Variants in SLC5A7 observed in about 807,000 individuals in gnomAD.
SLC5A7 encodes the protein solute carrier family 5 member 7.
A neutral mutation model predicts 55.4 loss-of-function variants in SLC5A7; 19 were observed. The observed-to-expected ratio is 0.34, with a 90% CI of 0.24 to 0.50. The LOEUF is 0.50. SLC5A7 is among the 20% of genes least tolerant of loss of function. The probability of loss-of-function intolerance (pLI) is 0.98; values close to 1 mark genes in which losing one functional copy is unlikely to be tolerated. For synonymous variants in SLC5A7, 265 were observed against 263.7 expected (o/e 1.00, Z -0.05); for missense variants, 506 against 705.3 (o/e 0.72, Z 3.20).
chr2:108,001,903 A>T lies in SLC5A7; in HGVS notation c.604A>T (p.Ser202Cys). The T allele has an allele frequency of 6.2e-7, 1 of 1,614,076 alleles. No individual in the cohort carries two copies. Among genetic ancestry groups the T allele is most frequent in the East Asian group, 2.2e-5 (1 of 44,874 alleles). Residue 202 changes from serine (S) to cysteine (C), a missense_variant, in exon 6 of 9, where the codon AGC (serine) becomes TGC (cysteine). Physicochemically the swap from Ser to Cys is moderately radical, Grantham distance 112 (BLOSUM62 -1). Transcript: ENST00000264047. Reference sequence around the variant, plus strand: ...GTGTCACTTTCTGTTGCAGTGGATCAGCGTCCCCTTTGCATTGTCACATCC... The same window carrying T: ...GTGTCACTTTCTGTTGCAGTGGATCTGCGTCCCCTTTGCATTGTCACATCC... ...LFCIFVGLWI[S>C]VPFALSHPAV... is the part of the protein sequence containing the mutation.
chr2:107,994,144 A>C (rs1012744497), intron 4 of SLC5A7, among the ~76,000 whole-genome samples: 2 of 152,170 alleles, frequency 1.3e-5, no homozygotes, highest in African/African-American at 2.4e-5. Context: ...GGGAGATGGA[A>C]GCTCCCCATA....
At chr2:107,999,140 T>G (rs1314734290) in intron 5 of SLC5A7, among the ~76,000 whole-genome samples, 1 of 152,226 alleles carries the variant, frequency 6.6e-6, no homozygotes, top group African/African-American at 2.4e-5. Flanking sequence ...CGTCCATTCA[T>G]ATTGTAACTG....
chr2:107,992,261 A>G lies in SLC5A7; in HGVS notation c.292+42A>G, dbSNP rs371396074. ...ATCTCAGTGACTCACTCAGTAAAGT[A>G]TACAGAACAAGAGTATAAATAACAA... On this transcript the variant is annotated intron_variant, in intron 3 of 8. Transcript: ENST00000264047. The G allele has an allele frequency of 3.4e-6, 4 of 1,182,116 alleles. No homozygotes were observed. The African/African-American group carries it at 4.5e-5, about 13-fold the overall frequency. 73.2% of individuals were successfully genotyped at this position (1,182,116 alleles called of 1,614,324 possible).
intron 2 of SLC5A7, among the ~76,000 whole-genome samples, chr2:107,989,211 TTAG>T (rs1410495897): frequency 1.3e-5 from 2 of 152,252 alleles, no homozygotes; most frequent in African/African-American, 4.8e-5. Context: ...TTATACAGTC[TTAG>T]TAGAGTTTTT....
chr2:107,998,359 T>C lies in SLC5A7; in HGVS notation c.597+373T>C, dbSNP rs115589268. Among the ~76,000 whole-genome samples the C allele has an allele frequency of 6.3e-3, 965 of 152,304 alleles. 11 individuals are homozygous for C. The highest frequency in any genetic ancestry group is 0.022 in the African/African-American group (929 of 41,568). On this transcript the variant is annotated intron_variant, in intron 5 of 8. Transcript: ENST00000264047. ...TTGTACAAGTCTCCCTTTACGTTAGTTGGTGAATCCTAAGAATGCTCATAA... is the reference window on the plus strand; with the variant it reads ...TTGTACAAGTCTCCCTTTACGTTAGCTGGTGAATCCTAAGAATGCTCATAA...
chr2:108,010,019 G>A (rs1678257658), intron 8 of SLC5A7, among the ~76,000 whole-genome samples: 1 of 152,070 alleles, frequency 6.6e-6, no homozygotes, highest in African/African-American at 2.4e-5. Context: ...CATGCATCTG[G>A]TACACAGAAA....
chr2:107,991,987 C>A, intron 2 of SLC5A7, 119 bp from the exon 3 acceptor site: 4 of 496,532 alleles, frequency 8.1e-6, no homozygotes, highest in Non-Finnish European at 1.1e-5. Context: ...TAAAACAACT[C>A]AATCTAGGCT....
At chr2:108,008,756 A>G (rs188051593) in intron 8 of SLC5A7, 74 bp downstream of exon 8, 2 of 1,037,092 alleles carry the variant, frequency 1.9e-6, no homozygotes, top group East Asian at 2.6e-5. Flanking sequence ...TTTGTTGTAT[A>G]TACAGTATTA....
At chr2:108,008,829 A>T in intron 8 of SLC5A7, 147 bp downstream of exon 8, 1 of 553,218 alleles carries the variant, frequency 1.8e-6, no homozygotes, top group Non-Finnish European at 3.0e-6. Flanking sequence ...TTAAATAACA[A>T]ATTATACCTA....
chr2:108,004,243 A>T (rs1386973389), intron 6 of SLC5A7, among the ~76,000 whole-genome samples: 1 of 152,250 alleles, frequency 6.6e-6, no homozygotes, highest in Non-Finnish European at 1.5e-5. Context: ...TTTATGATGT[A>T]TCAATCCATT....
In SLC5A7 at chr2:108,001,936, G is replaced by C; in HGVS notation, c.637G>C (p.Ala213Pro). 1 of 1,614,138 alleles carries C rather than the reference G, an allele frequency of 6.2e-7. No individual in the cohort carries two copies. Among genetic ancestry groups the C allele is most frequent in the Non-Finnish European group, 8.5e-7 (1 of 1,180,030 alleles). The change falls in exon 6 of 9, where the codon GCA becomes CCA. Residue 213 changes from alanine (A) to proline (P), a missense_variant. Around this residue, in one of 4 missense-constraint regions of SLC5A7, gnomAD observed 309 missense variants for 478.6 expected, o/e 0.65. Coordinates refer to ENST00000264047, the MANE Select transcript of SLC5A7 (RefSeq NM_021815.5). Reference protein sequence around the residue: ...VPFALSHPAVADIGFTAVHAK... With the variant: ...VPFALSHPAVPDIGFTAVHAK... ...CTTTGCATTGTCACATCCTGCAGTC[G>C]CAGACATCGGGTTCACTGCTGTGCA...
intron 4 of SLC5A7, among the ~76,000 whole-genome samples, chr2:107,994,678 C>T (rs575617309): frequency 6.6e-6 from 1 of 152,318 alleles, no homozygotes; most frequent in African/African-American, 2.4e-5. Context: ...CTCTTATGTT[C>T]TAATGATATT....
At position 108,010,537 on chromosome 2, in the gene SLC5A7, T is replaced by TAA; in HGVS notation, c.1420_1421dup (p.Asn474LysfsTer17). On this transcript the variant is annotated frameshift_variant, in exon 9 of 9. Transcript: ENST00000264047. LOFTEE classifies it high-confidence loss of function. ...ATTACCCTGATGATAATGGTATATA[T>TAA]AATCAGAAATTTCCATTTAAAACAC... 6.2e-7 allele frequency: 1 copy of TAA among 1,613,880 alleles called. No homozygotes were observed. The highest frequency in any genetic ancestry group is 8.5e-7 in the Non-Finnish European group (1 of 1,179,882).
chr2:107,995,470 A>AGAGAGTGTGTGT (rs1405177003), intron 4 of SLC5A7, among the ~76,000 whole-genome samples: 2 of 137,164 alleles, frequency 1.5e-5, no homozygotes, highest in African/African-American at 5.5e-5. Context: ...AGAGAGAGAG[A>AGAGAGTGTGTGT]GTGTGTGTGT....
intron 8 of SLC5A7, among the ~76,000 whole-genome samples, chr2:108,009,286 A>AT (rs996073835): frequency 5.9e-5 from 9 of 151,736 alleles, no homozygotes; most frequent in South Asian, 2.1e-4. Context: ...ATTTTATTTG[A>AT]TTTTTTTTAA....
At chr2:107,989,979 AC>A (rs1373466665) in intron 2 of SLC5A7, among the ~76,000 whole-genome samples, 1 of 152,040 alleles carries the variant, frequency 6.6e-6, no homozygotes, top group African/African-American at 2.4e-5. Flanking sequence ...AGTTCGTAAA[AC>A]TTTTTTTTCT....
chr2:107,997,930 C>G lies in SLC5A7; in HGVS notation c.541C>G (p.Leu181Val), dbSNP rs774461825. ...CACTCTGTACACACTGGTGGGAGGGCTCTATTCTGTGGCCTACACTGATGT... is the reference window on the plus strand; with the variant it reads ...CACTCTGTACACACTGGTGGGAGGGGTCTATTCTGTGGCCTACACTGATGT... ...IATLYTLVGG[L>V]YSVAYTDVVQ... The change falls in exon 5 of 9, where the codon CTC (leucine) becomes GTC (valine). Residue 181 changes from leucine (L) to valine (V), a missense_variant. Coordinates refer to ENST00000264047, the MANE Select transcript of SLC5A7 (RefSeq NM_021815.5). 1.2e-6 allele frequency: 2 copies of G among 1,613,930 alleles called. No homozygotes were observed. The highest frequency in any genetic ancestry group is 1.7e-6 in the Non-Finnish European group (2 of 1,179,912).
intron 2 of SLC5A7, among the ~76,000 whole-genome samples, chr2:107,988,561 C>T (rs935788918): frequency 6.6e-5 from 10 of 152,126 alleles, no homozygotes; most frequent in Non-Finnish European, 1.0e-4. Flanking sequence ...TATAATAAAT[C>T]ACTGGACTGA....
intron 6 of SLC5A7, among the ~76,000 whole-genome samples, chr2:108,002,612 G>C (rs988679973): frequency 2.8e-4 from 43 of 152,118 alleles, no homozygotes; most frequent in Admixed American, 2.4e-3. Flanking sequence ...GATAATGGCC[G>C]ATCCCATTGA....
Sources: allele counts gnomAD v4.1 joint callset (sites outside exome capture counted in the v4.1 genomes callset), GRCh38; gene constraint gnomAD v4.1.1; regional missense constraint gnomAD v4.1.1; transcripts MANE v1.5; gene names NCBI Gene and HGNC (gene_info 2026-07-23, HGNC 2026-07-21).